ADAMTS17: variants seen among roughly 807,000 people sequenced by gnomAD.
ADAMTS17 encodes the protein A disintegrin and metalloproteinase with thrombospondin motifs 17.
ADAMTS17 carries 113 observed loss-of-function variants against 141.5 expected under a neutral mutation model. The observed-to-expected ratio is 0.80, with a 90% CI of 0.69 to 0.93. The LOEUF is 0.93. ADAMTS17 is among the 40% of genes least tolerant of loss of function. The pLI, the probability that ADAMTS17 is intolerant of heterozygous loss-of-function variation, is 0.00. For missense variants in ADAMTS17, 1,659 were observed against 1,517.9 expected, an observed-to-expected ratio of 1.09 and a Z score of -1.54; for synonymous variants, 768 against 630.6, an observed-to-expected ratio of 1.22 and a Z score of -3.27.
intron 3 of ADAMTS17, among the ~76,000 whole-genome samples, chr15:100,323,601 C>T (rs1054162437): frequency 6.6e-6 from 1 of 151,400 alleles, no homozygotes; most frequent in South Asian, 2.1e-4. Context: ...TAGGAATAAA[C>T]CTAGAGAACA....
At position 99,980,892 on chromosome 15, in the gene ADAMTS17, A is replaced by AG. The variant is rs2060470470; in HGVS notation, c.2950-4671dup. On this transcript the variant is annotated intron_variant, in intron 20 of 21. Transcript: ENST00000268070. ...TCTTGTGCAGCCTGCTCTGGGGCCG[A>AG]GGGGAAAAGGCTGACATGTGGCACG... The AG allele has an allele frequency of 2.0e-5, 3 of 152,316 alleles. No homozygotes were observed. The South Asian group carries it at 6.2e-4, about 32-fold the overall frequency. The allele number at this position is 152,316 out of a possible 1,614,324, so 9.4% of individuals were successfully genotyped here. A position where few individuals can be genotyped will look rare whatever the true frequency, so the allele number is the denominator to read the frequency against.
chr15:100,004,355 C>T (rs968975541), intron 18 of ADAMTS17, among the ~76,000 whole-genome samples: 1 of 152,124 alleles, frequency 6.6e-6, no homozygotes, highest in Non-Finnish European at 1.5e-5. Context: ...ATAAAGAAAT[C>T]ATTTCACCCA....
At chr15:100,318,934 C>T (rs7178555) in intron 3 of ADAMTS17, among the ~76,000 whole-genome samples, 11,565 of 152,292 alleles carry the variant, frequency 0.076, 936 homozygotes, top group East Asian at 0.25. Context: ...TTCAGGATAC[C>T]AGCGGGACAT....
At position 100,281,386 on chromosome 15, in the gene ADAMTS17, G is replaced by T. The variant is rs775686481; in HGVS notation, c.632C>A (p.Thr211Lys). The change falls in exon 4 of 22, where the codon ACG becomes AAG. Residue 211 changes from threonine to lysine, a missense_variant. Coordinates refer to ENST00000268070, the MANE Select transcript of ADAMTS17 (RefSeq NM_139057.4). ...CKVLTEKKKP[T>K]WGRPSRDWRE... ...CCAGTCCCGCGAAGGCCTGCCCCAC[G>T]TCGGCTTCTTCTTTTCTAGAAAATG... 55 of 1,612,560 alleles carry T rather than the reference G, an allele frequency of 3.4e-5. No homozygotes were observed. The highest frequency in any genetic ancestry group is 4.6e-5 in the Non-Finnish European group (54 of 1,179,946).
chr15:100,155,002 G>A (rs370343166), intron 9 of ADAMTS17, among the ~76,000 whole-genome samples, 178 bp downstream of exon 9: 3 of 152,352 alleles, frequency 2.0e-5, no homozygotes, highest in East Asian at 1.9e-4. Flanking sequence ...GAGCAGATGC[G>A]CATGTGGGAG....
At chr15:100,317,415 G>C (rs1022785896) in intron 3 of ADAMTS17, among the ~76,000 whole-genome samples, 5 of 152,136 alleles carry the variant, frequency 3.3e-5, no homozygotes, top group African/African-American at 1.2e-4. Flanking sequence ...ATGAGCACCA[G>C]GGAGACAGGA....
At chr15:100,209,319 A>G (rs977335070) in intron 7 of ADAMTS17, among the ~76,000 whole-genome samples, 2 of 152,190 alleles carry the variant, frequency 1.3e-5, no homozygotes, top group African/African-American at 4.8e-5. Flanking sequence ...TGGGCTGCGC[A>G]CAAAGGTCAG....
chr15:100,093,741 C>T (rs1455415768), intron 15 of ADAMTS17, among the ~76,000 whole-genome samples: 4 of 152,176 alleles, frequency 2.6e-5, no homozygotes, highest in Admixed American at 2.6e-4. Context: ...TGGGCTGCCT[C>T]CACCTCATGC....
chr15:99,994,555 CT>C (rs1197777912), intron 19 of ADAMTS17, among the ~76,000 whole-genome samples: 1 of 151,862 alleles, frequency 6.6e-6, no homozygotes, highest in Non-Finnish European at 1.5e-5. Context: ...AAGATATGAT[CT>C]AGCTTTCTCT....
chr15:100,105,309 G>A (rs1315362163), intron 14 of ADAMTS17, among the ~76,000 whole-genome samples: 1 of 152,200 alleles, frequency 6.6e-6, no homozygotes, highest in Non-Finnish European at 1.5e-5. Context: ...CATCATGAAA[G>A]GTGCCTCCAT....
chr15:100,055,074 C>T lies in ADAMTS17; in HGVS notation c.2138-1020G>A, dbSNP rs73474418. Among the ~76,000 whole-genome samples the T allele has an allele frequency of 5.2e-3, 785 of 152,224 alleles. 10 individuals carry two copies. Among genetic ancestry groups the T allele is most frequent in the African/African-American group, 0.018 (732 of 41,544 alleles). ...GAAGTCGGCAGATGACAAGAGGTGA[C>T]AGTAAGTCTGTCATTTCCCAAAATG... On this transcript the variant is annotated intron_variant, in intron 15 of 21. Coordinates refer to ENST00000268070, the MANE Select transcript of ADAMTS17 (RefSeq NM_139057.4).
In ADAMTS17 at chr15:100,270,979, C is replaced by T. The variant is rs922933194; in HGVS notation, c.790-8544G>A. Among the ~76,000 whole-genome samples the T allele has an allele frequency of 2.6e-4, 40 of 151,936 alleles. 1 individual carries two copies. Among genetic ancestry groups the T allele is most frequent in the Middle Eastern group, 3.4e-3 (1 of 294 alleles). On this transcript the variant is annotated intron_variant, in intron 4 of 21. Transcript: ENST00000268070. ...CCGTCTCTGTGAATTCACTACCCTA[C>T]GTAAGTGGAATCACAGTATTTGTTC...
intron 15 of ADAMTS17, among the ~76,000 whole-genome samples, chr15:100,057,222 G>C (rs1041212197): frequency 1.3e-5 from 2 of 152,180 alleles, no homozygotes; most frequent in Non-Finnish European, 2.9e-5. Context: ...GGGAAAAGGA[G>C]GCAAGAGAGG....
intron 14 of ADAMTS17, among the ~76,000 whole-genome samples, chr15:100,100,274 G>A (rs1010492379): frequency 2.6e-5 from 4 of 152,114 alleles, no homozygotes; most frequent in Non-Finnish European, 4.4e-5. Context: ...TTGCTTCTTC[G>A]ACTCCGTGAA....
intron 18 of ADAMTS17, among the ~76,000 whole-genome samples, chr15:100,018,414 C>T (rs972779541): frequency 6.6e-5 from 10 of 152,182 alleles, no homozygotes; most frequent in Admixed American, 2.0e-4. Context: ...TGTAATTCCT[C>T]GTGTTGGAGG....
intron 7 of ADAMTS17, among the ~76,000 whole-genome samples, chr15:100,200,149 G>A (rs2041269947): frequency 6.6e-6 from 1 of 152,194 alleles, no homozygotes; most frequent in Non-Finnish European, 1.5e-5. Context: ...TCGCACCTAA[G>A]GATCTCACCC....
chr15:100,066,487 G>C (rs1224997389), intron 15 of ADAMTS17, among the ~76,000 whole-genome samples: 1 of 151,720 alleles, frequency 6.6e-6, no homozygotes. Flanking sequence ...CCATTCTTCT[G>C]ATATCTTTTT....
chr15:100,045,084 G>A (rs1327360184), intron 18 of ADAMTS17, among the ~76,000 whole-genome samples: 2 of 152,168 alleles, frequency 1.3e-5, no homozygotes, highest in East Asian at 3.9e-4. Flanking sequence ...TGGGATTACA[G>A]GTATGAGCCA....
chr15:100,072,061 G>A (rs530745134), intron 15 of ADAMTS17, among the ~76,000 whole-genome samples: 6 of 148,714 alleles, frequency 4.0e-5, no homozygotes, highest in South Asian at 2.1e-4. Context: ...CGCAAAGTCT[G>A]AGGATACAAA....
Sources: gnomAD v4.1 joint callset for allele counts (sites outside exome capture counted in the v4.1 genomes callset) on GRCh38, gnomAD v4.1.1 for gene constraint, MANE v1.5 for transcripts, NCBI Gene and HGNC (gene_info 2026-07-23, HGNC 2026-07-21) for gene names.